Variants in PCDHGA3 observed in about 807,000 individuals in gnomAD.
PCDHGA3 encodes the protein protocadherin gamma subfamily A, 3.
PCDHGA3 carries 40 observed loss-of-function variants against 58.5 expected under a neutral mutation model. That is an observed-to-expected ratio of 0.68 (90% CI 0.53 to 0.89). The LOEUF (loss-of-function observed/expected upper bound fraction) is 0.89, where lower values mean the gene tolerates loss of function less well. Ranked by LOEUF, PCDHGA3 falls within the 40% of genes least tolerant of loss-of-function variation. The pLI is 0.00. For missense variants in PCDHGA3, 1,223 were observed against 1,195.9 expected, an observed-to-expected ratio of 1.02 and a Z score of -0.33; for synonymous variants, 530 against 525.7, an observed-to-expected ratio of 1.01 and a Z score of -0.11.
At position 141,477,290 on chromosome 5, in the gene PCDHGA3, C is replaced by T; in HGVS notation, c.2425-17517C>T. 5 of 1,614,158 alleles carry T rather than the reference C, an allele frequency of 3.1e-6. No individual in the cohort carries two copies. In the South Asian group the frequency reaches 5.5e-5, roughly 18 times the overall value. On this transcript the variant is annotated intron_variant, in intron 1 of 3. Coordinates refer to ENST00000253812, the MANE Select transcript of PCDHGA3 (RefSeq NM_018916.4). The surrounding 1 kb of genome is among the most constrained non-coding windows in gnomAD (Gnocchi z 4.9). ...GAACGGGCTGGTGACCTGCGAAGTT[C>T]CACCGGGTCTCCCTTTCAGCCTTAC...
intron 1 of PCDHGA3, chr5:141,418,010 G>A: frequency 6.2e-7 from 1 of 1,613,914 alleles, no homozygotes; most frequent in African/African-American, 1.3e-5. Flanking sequence ...GGGGAACCTC[G>A]CTAAGGATCT....
chr5:141,427,469 C>T lies in PCDHGA3; in HGVS notation c.2425-67338C>T, dbSNP rs116302471. The T allele has an allele frequency of 9.8e-3, 5,010 of 510,088 alleles. 35 individuals are homozygous for T. Among genetic ancestry groups the T allele is most frequent in the Non-Finnish European group, 0.012 (3,225 of 262,464 alleles). 31.6% of individuals were successfully genotyped at this position (510,088 alleles called of 1,614,324 possible). A position where few individuals can be genotyped will look rare whatever the true frequency, so the allele number is the denominator to read the frequency against. On this transcript the variant is annotated intron_variant, in intron 1 of 3. Coordinates refer to ENST00000253812, the MANE Select transcript of PCDHGA3 (RefSeq NM_018916.4). Reference sequence around the variant, plus strand: ...GAGTTCCTTTTAGAATCGAATCTTCCGCCAATAATGACTATAAGCTTGTAA... The same window carrying T: ...GAGTTCCTTTTAGAATCGAATCTTCTGCCAATAATGACTATAAGCTTGTAA...
chr5:141,394,275 A>G (rs371709954), intron 1 of PCDHGA3: 21 of 1,613,792 alleles, frequency 1.3e-5, no homozygotes, highest in Non-Finnish European at 1.6e-5. Flanking sequence ...TGCCCAGGTC[A>G]CTTACTCTGT....
intron 1 of PCDHGA3, chr5:141,419,504 C>T (rs577411043): frequency 4.7e-5 from 75 of 1,612,298 alleles, no homozygotes; most frequent in South Asian, 2.7e-4. Flanking sequence ...TGTGAGCCTG[C>T]GCGTGTTGGT....
intron 1 of PCDHGA3, among the ~76,000 whole-genome samples, chr5:141,450,899 A>G (rs1045595271): frequency 1.0e-4 from 15 of 149,514 alleles, no homozygotes; most frequent in African/African-American, 3.7e-4. Context: ...ATATCGGCTC[A>G]CTGCAACCGC....
chr5:141,375,914 G>A, intron 1 of PCDHGA3: 1 of 1,613,738 alleles, frequency 6.2e-7, no homozygotes, highest in Non-Finnish European at 8.5e-7. Context: ...CCTGCTCAAG[G>A]CCAGCGAGCC....
rs745778398 is a variant in PCDHGA3, at chr5:141,389,350, T to A, written c.2424+42893T>A. The A allele has an allele frequency of 1.6e-5, 26 of 1,613,964 alleles. No individual in the cohort carries two copies. Among genetic ancestry groups the A allele is most frequent in the Non-Finnish European group, 2.2e-5 (26 of 1,179,910 alleles). Reference sequence around the variant, plus strand: ...CCCAACGGCCAAGTCTCTTACTGCATCATGGCCAGTGACCTGGAGCAGCGG... The same window carrying A: ...CCCAACGGCCAAGTCTCTTACTGCAACATGGCCAGTGACCTGGAGCAGCGG... On this transcript the variant is annotated intron_variant, in intron 1 of 3. Coordinates refer to ENST00000253812, the MANE Select transcript of PCDHGA3 (RefSeq NM_018916.4).
At chr5:141,441,680 C>T in intron 1 of PCDHGA3, 1 of 295,840 alleles carries the variant, frequency 3.4e-6, no homozygotes, top group South Asian at 2.8e-5. Context: ...GCGCCTTCGA[C>T]CAAGAGCAGC....
chr5:141,389,274 C>A, intron 1 of PCDHGA3: 1 of 1,614,032 alleles, frequency 6.2e-7, no homozygotes, highest in Non-Finnish European at 8.5e-7. Flanking sequence ...CGAGAACAAC[C>A]CGCCTGGAGC....
Position 141,491,166 on chromosome 5 carries a change from G to A in PCDHGA3, c.2425-3641G>A. 1 of 1,614,150 alleles carries A rather than the reference G, an allele frequency of 6.2e-7. No individual in the cohort carries two copies. The highest frequency in any genetic ancestry group is 8.5e-7 in the Non-Finnish European group (1 of 1,179,964). ...TACTGGAGGATGACTCTGACACCCA[G>A]CAGGTGGTGGTCCTGGTGAGGGACA... On this transcript the variant is annotated intron_variant, in intron 1 of 3. Transcript: ENST00000253812. The surrounding 1 kb of genome is among the most constrained non-coding windows in gnomAD (Gnocchi z 6.9).
chr5:141,356,301 A>T (rs755675913), intron 1 of PCDHGA3: 2 of 1,554,592 alleles, frequency 1.3e-6, no homozygotes, highest in Non-Finnish European at 1.7e-6. Context: ...CAGTAATTGC[A>T]CTTTTCAACG....
At chr5:141,453,377 T>TC (rs1242854086) in intron 1 of PCDHGA3, among the ~76,000 whole-genome samples, 3 of 152,072 alleles carry the variant, frequency 2.0e-5, no homozygotes, top group Admixed American at 2.0e-4. Context: ...CAAGTGATCC[T>TC]CCTGCCTTAG....
chr5:141,485,278 C>T lies in PCDHGA3; in HGVS notation c.2425-9529C>T. On this transcript the variant is annotated intron_variant, in intron 1 of 3. Transcript: ENST00000253812. The surrounding 1 kb of genome is among the most constrained non-coding windows in gnomAD (Gnocchi z 5.7). ...TTTGTGGGCAGATCCGCTACCCGGTCCCAGAGGAGTCACAGGAAGGGACTT... is the reference window on the plus strand; with the variant it reads ...TTTGTGGGCAGATCCGCTACCCGGTTCCAGAGGAGTCACAGGAAGGGACTT... 1 of 1,614,064 alleles carries T rather than the reference C, an allele frequency of 6.2e-7. No homozygotes were observed. The highest frequency in any genetic ancestry group is 1.1e-5 in the South Asian group (1 of 91,080).
rs1266310917 is a variant in PCDHGA3 at position 141,486,868 on chromosome 5, G to A, written c.2425-7939G>A. 2 of 1,614,104 alleles carry A rather than the reference G, an allele frequency of 1.2e-6. No homozygotes were observed. Among genetic ancestry groups the A allele is most frequent in the Non-Finnish European group, 1.7e-6 (2 of 1,180,056 alleles). ...ACCTCAATGACAATGCTCCAGCTGT[G>A]CTCCGTCCTCGGGCCCGGCCTGGTT... On this transcript the variant is annotated intron_variant, in intron 1 of 3. Transcript: ENST00000253812. The surrounding 1 kb of genome is among the most constrained non-coding windows in gnomAD (Gnocchi z 5.0).
intron 1 of PCDHGA3, among the ~76,000 whole-genome samples, chr5:141,464,689 TATTATGA>T (rs1378742227): frequency 4.6e-5 from 7 of 152,182 alleles, no homozygotes; most frequent in Admixed American, 2.6e-4. Context: ...AAATTTCTCT[TATTATGA>T]ATGAGGTTAA....
At chr5:141,403,864 A>C in intron 1 of PCDHGA3, 1 of 1,613,794 alleles carries the variant, frequency 6.2e-7, no homozygotes, top group Non-Finnish European at 8.5e-7. Flanking sequence ...TATCAACAGC[A>C]AAAAGTCTAG....
intron 1 of PCDHGA3, chr5:141,383,225 T>C: frequency 6.2e-7 from 1 of 1,613,970 alleles, no homozygotes; most frequent in Non-Finnish European, 8.5e-7. Flanking sequence ...TTTAACATCC[T>C]GATGGAAGAT....
rs375487349 is a variant in PCDHGA3, at chr5:141,383,260, G to T, written c.2424+36803G>T. On this transcript the variant is annotated intron_variant, in intron 1 of 3. Transcript: ENST00000253812. ...TAAAATGAATCTTTACCCTATAGAC[G>T]TGGAAATAATAGATATTAATGACAA... is the stretch of plus-strand genomic sequence containing the variant. 2 of 1,613,782 alleles carry T rather than the reference G, an allele frequency of 1.2e-6. No homozygotes were observed. The highest frequency in any genetic ancestry group is 1.7e-6 in the Non-Finnish European group (2 of 1,179,874).
intron 1 of PCDHGA3, chr5:141,427,957 C>T: frequency 2.5e-6 from 4 of 1,588,402 alleles, no homozygotes; most frequent in South Asian, 1.1e-5. Context: ...GACAATGTGC[C>T]GCGGGTGCTG....
Sources: allele counts gnomAD v4.1 joint callset (sites outside exome capture counted in the v4.1 genomes callset), GRCh38; gene constraint gnomAD v4.1.1; non-coding constraint Gnocchi (gnomAD v3.1); transcripts MANE v1.5; gene names NCBI Gene and HGNC (gene_info 2026-07-23, HGNC 2026-07-21).